NAP1L1: variants seen among roughly 807,000 people sequenced by gnomAD.
The protein encoded by NAP1L1 is nucleosome assembly protein 1 like 1, also known as nucleosome assembly protein 1-like 1.
Under a neutral mutation model 58.9 loss-of-function variants are expected in NAP1L1, and 9 were observed. The ratio of observed to expected loss-of-function variants is 0.15; its 90% CI spans 0.09 to 0.27. NAP1L1 has a LOEUF of 0.27. Ranked by LOEUF, NAP1L1 falls within the 10% of genes least tolerant of loss-of-function variation. The pLI, the probability that NAP1L1 is intolerant of heterozygous loss-of-function variation, is 1.00. For synonymous variants in NAP1L1, 130 were observed against 138.3 expected, an observed-to-expected ratio of 0.94 and a Z score of 0.42; for missense variants, 302 against 458.8, an observed-to-expected ratio of 0.66 and a Z score of 3.12.
intron 2 of NAP1L1, 37 bp downstream of exon 2, chr12:76,074,166 C>T: frequency 6.6e-7 from 1 of 1,506,134 alleles, no homozygotes; most frequent in Non-Finnish European, 9.2e-7. Context: ...AAAGTGATGC[C>T]AAATCTCTGA....
chr12:76,052,786 A>G (rs547284368), intron 11 of NAP1L1, among the ~76,000 whole-genome samples: 2 of 152,350 alleles, frequency 1.3e-5, no homozygotes, highest in East Asian at 1.9e-4. Context: ...ATGTAACAGT[A>G]TAAGTGACTT....
intron 7 of NAP1L1, among the ~76,000 whole-genome samples, chr12:76,055,329 T>C (rs980668663): frequency 7.9e-5 from 12 of 152,186 alleles, no homozygotes; most frequent in Non-Finnish European, 1.2e-4. Context: ...ATTATATAGG[T>C]TGAAAAATCC....
rs757397073 is a variant in NAP1L1 at position 76,049,206 on chromosome 12, G to A, written c.1134C>T (p.Asp378=). The A allele has an allele frequency of 6.2e-7, 1 of 1,613,306 alleles. No homozygotes were observed. The highest frequency in any genetic ancestry group is 1.1e-5 in the South Asian group (1 of 91,046). ...EGDEENDPDY[D]PKKDQNPAEC... is the part of the protein sequence containing the mutation. Reference sequence around the variant, plus strand: ...CAGCACTAATTTTGCTCACCTTTGGGTCATAGTCTGGATCATTTTCCTCAT... The same window carrying A: ...CAGCACTAATTTTGCTCACCTTTGGATCATAGTCTGGATCATTTTCCTCAT... Residue 378 remains aspartate, a synonymous_variant, in exon 14 of 15, where the codon GAC becomes GAT. Coordinates refer to ENST00000618691, the MANE Select transcript of NAP1L1 (RefSeq NM_004537.7).
chr12:76,074,025 C>A, intron 2 of NAP1L1, 178 bp downstream of exon 2: 1 of 531,252 alleles, frequency 1.9e-6, no homozygotes, highest in Non-Finnish European at 3.4e-6. Flanking sequence ...CATAAATATG[C>A]TAATGATCAT....
rs767330413 is a variant in NAP1L1 at position 76,039,966 on chromosome 12, C to T, written c.*8463G>A. The T allele has an allele frequency of 6.6e-6, 1 of 152,158 alleles. No homozygotes were observed. 9.4% of individuals were successfully genotyped at this position (152,158 alleles called of 1,614,324 possible). On this transcript the variant is annotated 3_prime_UTR_variant, in exon 15 of 15. Transcript: ENST00000618691. Reference sequence around the variant, plus strand: ...ACATTATACCCAACTTTTGAAAACACGTGTACTTAAGGGTCACCTTATACA... The same window carrying T: ...ACATTATACCCAACTTTTGAAAACATGTGTACTTAAGGGTCACCTTATACA...
At position 76,081,406 on chromosome 12, in the gene NAP1L1, T is replaced by C. The variant is rs1437417656; in HGVS notation, c.-21+3161A>G. On this transcript the variant is annotated intron_variant, in intron 1 of 14. Coordinates refer to ENST00000618691, the MANE Select transcript of NAP1L1 (RefSeq NM_004537.7). ...TACATTATTTATCCCTGTTATGCTC[T>C]TCTGTACCCTCTTTAGAAAATAATT... Among the ~76,000 whole-genome samples, 5 of 152,176 alleles carry C rather than the reference T, an allele frequency of 3.3e-5. No homozygotes were observed. In the East Asian group the frequency reaches 9.6e-4, roughly 29 times the overall value.
rs1431690134 is a variant in NAP1L1, at chr12:76,043,057, G to A, written c.*5372C>T. 6.6e-6 allele frequency: 1 copy of A among 152,172 alleles called. No homozygotes were observed. The highest frequency in any genetic ancestry group is 1.9e-4 in the East Asian group (1 of 5,198). 9.4% of individuals were successfully genotyped at this position (152,172 alleles called of 1,614,324 possible). Reference sequence around the variant, plus strand: ...AAATAAAGCTTTTGTTCTTGGCTAAGTAAATTATCTTAACAGCTAACAGCG... The same window carrying A: ...AAATAAAGCTTTTGTTCTTGGCTAAATAAATTATCTTAACAGCTAACAGCG... On this transcript the variant is annotated 3_prime_UTR_variant, in exon 15 of 15. Coordinates refer to ENST00000618691, the MANE Select transcript of NAP1L1 (RefSeq NM_004537.7).
At chr12:76,052,865 A>C (rs951921061) in intron 11 of NAP1L1, among the ~76,000 whole-genome samples, 2 of 152,228 alleles carry the variant, frequency 1.3e-5, no homozygotes, top group Non-Finnish European at 2.9e-5. Flanking sequence ...CAATATGTGA[A>C]GTTTCAAAAG....
intron 6 of NAP1L1, chr12:76,057,480 T>C (rs1949166470): frequency 3.0e-6 from 2 of 659,302 alleles, no homozygotes; most frequent in African/African-American, 1.8e-5. Flanking sequence ...TCGGCTCAGC[T>C]GGCAACAGTG....
Position 76,049,274 on chromosome 12 carries a change from C to T in NAP1L1, c.1090-24G>A, listed in dbSNP as rs777731466. The stretch of plus-strand genomic sequence containing the variant: ...TCCTATATTAAAGTTCAAAATGCAT[C>T]CATGAAGTATGTACATAGTAGGTAA... On this transcript the variant is annotated intron_variant, in intron 13 of 14. Coordinates refer to ENST00000618691, the MANE Select transcript of NAP1L1 (RefSeq NM_004537.7). 2.5e-6 allele frequency: 4 copies of T among 1,613,138 alleles called. No individual in the cohort carries two copies. In the Admixed American group the frequency reaches 5.0e-5, roughly 20 times the overall value.
At chr12:76,068,350 T>C (rs554603791) in intron 3 of NAP1L1, among the ~76,000 whole-genome samples, 4 of 152,116 alleles carry the variant, frequency 2.6e-5, no homozygotes, top group African/African-American at 9.7e-5. Flanking sequence ...TTAACTTCCA[T>C]CCGGCTTAAA....
At chr12:76,056,554 A>G (rs1949097609) in intron 6 of NAP1L1, 1 of 449,546 alleles carries the variant, frequency 2.2e-6, no homozygotes, top group Non-Finnish European at 4.4e-6. Flanking sequence ...TAGCAATGCT[A>G]GAGAGGTGGA....
chr12:76,065,131 C>T (rs1713463321), intron 4 of NAP1L1, among the ~76,000 whole-genome samples: 2 of 151,850 alleles, frequency 1.3e-5, no homozygotes, highest in Admixed American at 6.6e-5. Context: ...CAATTTACTA[C>T]AGGAATGCAA....
intron 1 of NAP1L1, among the ~76,000 whole-genome samples, chr12:76,079,055 T>C (rs537095899): frequency 1.5e-4 from 23 of 151,914 alleles, no homozygotes; most frequent in African/African-American, 4.1e-4. Context: ...AAAGGCAAGA[T>C]AGCAAAAACA....
In NAP1L1 at chr12:76,038,545, A is replaced by G. The variant is rs1440520922; in HGVS notation, c.*9884T>C. On this transcript the variant is annotated 3_prime_UTR_variant, in exon 15 of 15. Coordinates refer to ENST00000618691, the MANE Select transcript of NAP1L1 (RefSeq NM_004537.7). ...GCAGTGAGTGTAGACAATTCCTCCC[A>G]AAAACATGAGAATAAAGAAGGTGGT... is the stretch of plus-strand genomic sequence containing the variant. The G allele has an allele frequency of 1.3e-5, 2 of 152,200 alleles. No homozygotes were observed. Among genetic ancestry groups the G allele is most frequent in the Non-Finnish European group, 2.9e-5 (2 of 68,040 alleles). 9.4% of individuals were successfully genotyped at this position (152,200 alleles called of 1,614,324 possible).
Position 76,041,959 on chromosome 12 carries a change from GAAAGT to G in NAP1L1, c.*6465_*6469del, listed in dbSNP as rs1948555811. 1 of 152,076 alleles carries G rather than the reference GAAAGT, an allele frequency of 6.6e-6. No homozygotes were observed. Among genetic ancestry groups the G allele is most frequent in the Non-Finnish European group, 1.5e-5 (1 of 67,980 alleles). 9.4% of individuals were successfully genotyped at this position (152,076 alleles called of 1,614,324 possible). On this transcript the variant is annotated 3_prime_UTR_variant, in exon 15 of 15. Coordinates refer to ENST00000618691, the MANE Select transcript of NAP1L1 (RefSeq NM_004537.7). The stretch of plus-strand genomic sequence containing the variant: ...TTTCTGGGTTCTGCCAAAGGCCAAA[GAAAGT>G]AAACAGCATATGAAAACACATGTAT...
At position 76,053,190 on chromosome 12, in the gene NAP1L1, TA is replaced by T; in HGVS notation, c.916+14del. On this transcript the variant is annotated intron_variant, in intron 10 of 14. Coordinates refer to ENST00000618691, the MANE Select transcript of NAP1L1 (RefSeq NM_004537.7). ...ATAAAACAACCGTTAATACTCAAGCTAAAACATTATTTACCTTCAGGAGGGG... is the reference window on the plus strand; with the variant it reads ...ATAAAACAACCGTTAATACTCAAGCTAAACATTATTTACCTTCAGGAGGGG... 1.2e-6 allele frequency: 2 copies of T among 1,613,266 alleles called. No individual in the cohort carries two copies. Among genetic ancestry groups the T allele is most frequent in the Non-Finnish European group, 1.7e-6 (2 of 1,179,666 alleles).
chr12:76,064,488 C>A (rs1949570898), intron 4 of NAP1L1, among the ~76,000 whole-genome samples: 1 of 151,804 alleles, frequency 6.6e-6, no homozygotes, highest in Non-Finnish European at 1.5e-5. Flanking sequence ...AAATAAAAAT[C>A]AAATGAATTA....
At position 76,041,338 on chromosome 12, in the gene NAP1L1, G is replaced by C. The variant is rs945745534; in HGVS notation, c.*7091C>G. On this transcript the variant is annotated 3_prime_UTR_variant, in exon 15 of 15. Transcript: ENST00000618691. ...AGTGTTTCTAGAGTATTTTGAACTG[G>C]TTCAAAACCAGTTCAGATTTATAGA... 1 of 152,114 alleles carries C rather than the reference G, an allele frequency of 6.6e-6. No individual in the cohort carries two copies. The highest frequency in any genetic ancestry group is 2.4e-5 in the African/African-American group (1 of 41,412). The allele number at this position is 152,114 out of a possible 1,614,324, so 9.4% of individuals were successfully genotyped here.
Sources: gnomAD v4.1 joint callset for allele counts (sites outside exome capture counted in the v4.1 genomes callset) on GRCh38, gnomAD v4.1.1 for gene constraint, MANE v1.5 for transcripts, NCBI Gene and HGNC (gene_info 2026-07-23, HGNC 2026-07-21) for gene names.